The following COL6A5 variants were observed in gnomAD, a reference collection of about 807,000 sequenced individuals.
COL6A5 encodes collagen type VI alpha 5 chain.
A neutral mutation model predicts 65.6 loss-of-function variants in COL6A5; 48 were observed. That is an observed-to-expected ratio of 0.73 (90% CI 0.58 to 0.93). COL6A5 has a LOEUF of 0.93. COL6A5 is among the 40% of genes least tolerant of loss of function. The pLI is 0.00. For missense variants in COL6A5, 914 were observed against 928.3 expected, an observed-to-expected ratio of 0.98 and a Z score of 0.20; for synonymous variants, 291 against 322.8, an observed-to-expected ratio of 0.90 and a Z score of 1.05.
chr3:130,355,773 G>A (rs1360703895), intron 1 of COL6A5, among the ~76,000 whole-genome samples: 7 of 151,870 alleles, frequency 4.6e-5, no homozygotes, highest in Non-Finnish European at 5.9e-5. Flanking sequence ...GATGACAGAC[G>A]TAAGCCCAAA....
At chr3:130,391,236 T>A in exon 7 of COL6A5, 1 of 1,551,554 alleles carries the variant, frequency 6.4e-7, no homozygotes, top group Non-Finnish European at 8.7e-7. Flanking sequence ...TCAGGTAGCA[T>A]AAAAAAACAA....
At chr3:130,362,302 ATATATATATATATATATATATATATTTT>A (rs1935146241) in intron 1 of COL6A5, among the ~76,000 whole-genome samples, 1 of 1,040 alleles carries the variant, frequency 9.6e-4, no homozygotes, top group Non-Finnish European at 3.2e-3. Context: ...ATATATATAT[ATATATATATATATATATATATATATTTT>A]TTTTTTTTTT....
chr3:130,379,971 A>G, exon 4 of COL6A5: 1 of 1,551,034 alleles, frequency 6.4e-7, no homozygotes, highest in Non-Finnish European at 8.7e-7. Context: ...CTTACAGTAC[A>G]AAGTTCCTGA....
chr3:130,348,506 C>T (rs1034405426), intron 1 of COL6A5, among the ~76,000 whole-genome samples: 4 of 152,160 alleles, frequency 2.6e-5, no homozygotes, highest in Admixed American at 2.6e-4. Flanking sequence ...GCCACATTTT[C>T]TTTATCCAGT....
chr3:130,484,566 A>G lies in COL6A5; in HGVS notation c.*525A>G, dbSNP rs746664288. ...GATTGTCTTCTAAAACCCACCTGTCAGGCTGCTATGACCCATAGTTAATGC... is the reference window on the plus strand; with the variant it reads ...GATTGTCTTCTAAAACCCACCTGTCGGGCTGCTATGACCCATAGTTAATGC... On this transcript the variant is annotated 3_prime_UTR_variant, in exon 8 of 8. Transcript: ENST00000512836. 7.5e-6 allele frequency: 3 copies of G among 399,014 alleles called. No homozygotes were observed. In the Admixed American group the frequency reaches 1.3e-4, roughly 18 times the overall value. 24.7% of individuals were successfully genotyped at this position (399,014 alleles called of 1,614,324 possible).
intron 1 of COL6A5, among the ~76,000 whole-genome samples, chr3:130,371,823 T>A (rs999504828): frequency 6.6e-6 from 1 of 152,078 alleles, no homozygotes; most frequent in African/African-American, 2.4e-5. Context: ...AAACCTCATA[T>A]AAATTGGACT....
At position 130,376,391 on chromosome 3, in the gene COL6A5, C is replaced by T. The variant is rs776802819; in HGVS notation, c.222C>T (p.Tyr74=). 6 of 1,613,472 alleles carry T rather than the reference C, an allele frequency of 3.7e-6. No individual in the cohort carries two copies. The South Asian group carries it at 6.6e-5, about 18-fold the overall frequency. Residue 74 remains tyrosine (Y), a synonymous_variant and NMD_transcript_variant, in exon 3 of 42, where the codon TAC becomes TAT. Coordinates refer to the COL6A5 transcript ENST00000312481. ...AATACCGTGTAGCCCTGGCCCAGTACAGCGACGAGTTTCACAGTGAATTCC... is the reference window on the plus strand; with the variant it reads ...AATACCGTGTAGCCCTGGCCCAGTATAGCGACGAGTTTCACAGTGAATTCC...
chr3:130,418,529 C>T (rs1282513605), intron 24 of COL6A5, among the ~76,000 whole-genome samples: 2 of 152,068 alleles, frequency 1.3e-5, no homozygotes, highest in Admixed American at 6.6e-5. Flanking sequence ...CAGGACCTCC[C>T]CTAATGTGTT....
At chr3:130,442,105 TTCTTTACA>T (rs1338035807) in intron 3 of COL6A5, among the ~76,000 whole-genome samples, 3 of 152,202 alleles carry the variant, frequency 2.0e-5, no homozygotes, top group Non-Finnish European at 4.4e-5. Flanking sequence ...ACACTGTTAT[TTCTTTACA>T]TCTAAGATGC....
At chr3:130,348,589 G>T (rs1475988852) in intron 1 of COL6A5, among the ~76,000 whole-genome samples, 3 of 152,190 alleles carry the variant, frequency 2.0e-5, no homozygotes, top group Non-Finnish European at 2.9e-5. Flanking sequence ...AAACATGTGT[G>T]CATGTATCTT....
intron 7 of COL6A5, among the ~76,000 whole-genome samples, chr3:130,392,843 C>G (rs16827238): frequency 0.29 from 43,623 of 151,954 alleles, 7,195 homozygotes; most frequent in East Asian, 0.61. Flanking sequence ...TCATCTTCTT[C>G]GTTTCAGATA....
At chr3:130,442,130 T>C (rs7627957) in intron 3 of COL6A5, among the ~76,000 whole-genome samples, 2,165 of 152,268 alleles carry the variant, frequency 0.014, 53 homozygotes, top group African/African-American at 0.049. Context: ...ATGCCCTCAA[T>C]TGTATAATGT....
At chr3:130,363,530 C>G (rs1935216585) in intron 1 of COL6A5, among the ~76,000 whole-genome samples, 1 of 152,126 alleles carries the variant, frequency 6.6e-6, no homozygotes, top group Admixed American at 6.5e-5. Flanking sequence ...TTCGTCTAGG[C>G]CAGCTAGATT....
chr3:130,457,218 G>A (rs1169883320), intron 5 of COL6A5, among the ~76,000 whole-genome samples: 1 of 151,958 alleles, frequency 6.6e-6, no homozygotes, highest in Admixed American at 6.6e-5. Flanking sequence ...GTTTAAAAAG[G>A]GGAAAAAAGA....
At chr3:130,421,013 C>T in intron 25 of COL6A5, 140 bp from the exon 26 acceptor site, 1 of 693,432 alleles carries the variant, frequency 1.4e-6, no homozygotes, top group Non-Finnish European at 2.5e-6. Context: ...CACAATGTTC[C>T]CAGGGTTCAA....
chr3:130,358,239 C>CAACA (rs1244126691), intron 1 of COL6A5, among the ~76,000 whole-genome samples: 1 of 151,908 alleles, frequency 6.6e-6, no homozygotes, highest in Non-Finnish European at 1.5e-5. Flanking sequence ...GGAACATTAT[C>CAACA]AACACCACTC....
chr3:130,426,231 A>G (rs762408439), exon 30 of COL6A5: 1 of 1,551,306 alleles, frequency 6.4e-7, no homozygotes. Flanking sequence ...AAGGCATGGC[A>G]GGGCAGCCTG....
intron 7 of COL6A5, among the ~76,000 whole-genome samples, chr3:130,473,038 CAA>C (rs1005350123): frequency 1.3e-5 from 2 of 149,068 alleles, no homozygotes; most frequent in African/African-American, 2.5e-5. Context: ...AAAATACAGA[CAA>C]AAAGAGAGAG....
At chr3:130,439,439 T>G in intron 1 of COL6A5, 83 bp from the exon 34 acceptor site, 1 of 983,998 alleles carries the variant, frequency 1.0e-6, no homozygotes, top group Non-Finnish European at 1.5e-6. Context: ...AGTTGGGTGT[T>G]TTTTAAACTA....
Sources: allele counts gnomAD v4.1 joint callset (sites outside exome capture counted in the v4.1 genomes callset), GRCh38; gene constraint gnomAD v4.1.1; transcripts MANE v1.5; gene names NCBI Gene and HGNC (gene_info 2026-07-23, HGNC 2026-07-21).